Variants in HECW2 observed in about 807,000 individuals in gnomAD.
The protein encoded by HECW2 is HECT, C2 and WW domain containing E3 ubiquitin protein ligase 2.
A neutral mutation model predicts 175.2 loss-of-function variants in HECW2; 61 were observed. That is an observed-to-expected ratio of 0.35 (90% CI 0.28 to 0.43). HECW2 has a LOEUF of 0.43. HECW2 is among the 20% of genes least tolerant of loss of function. The pLI is 1.00. For missense variants in HECW2, 1,524 were observed against 2,000.5 expected (o/e 0.76, Z 4.54); for synonymous variants, 671 against 731.0 (o/e 0.92, Z 1.32).
At position 196,362,701 on chromosome 2, in the gene HECW2, G is replaced by C. The variant is rs147914955; in HGVS notation, c.293-18937C>G. ...CTGACTTTTAATGTGAAAACAGATA[G>C]AATCATCAATCTAGCTAATGCTCTT... On this transcript the variant is annotated intron_variant, in intron 2 of 28. Transcript: ENST00000644978. Among the ~76,000 whole-genome samples, 1,000 of 152,286 alleles carry C rather than the reference G, an allele frequency of 6.6e-3. 8 individuals are homozygous for C. The highest frequency in any genetic ancestry group is 0.02 in the Middle Eastern group (6 of 294).
At chr2:196,322,293 T>C (rs1337057754) in intron 7 of HECW2, among the ~76,000 whole-genome samples, 185 bp downstream of exon 7, 2 of 152,218 alleles carry the variant, frequency 1.3e-5, no homozygotes, top group Non-Finnish European at 2.9e-5. Context: ...AAAAAACATA[T>C]ATAATTAAAA....
At chr2:196,388,302 T>A (rs988792958) in intron 2 of HECW2, among the ~76,000 whole-genome samples, 1 of 152,076 alleles carries the variant, frequency 6.6e-6, no homozygotes, top group African/African-American at 2.4e-5. Context: ...TCAAAAAAAA[T>A]TACAATTTTC....
rs1691014057 is a variant in HECW2, at chr2:196,300,699, C to T, written c.2814+5789G>A. Among the ~76,000 whole-genome samples, 3 of 148,720 alleles carry T rather than the reference C, an allele frequency of 2.0e-5. No individual in the cohort carries two copies. In the South Asian group the frequency reaches 6.2e-4, roughly 31 times the overall value. ...ATATATATCTATATCTATATCTATA[C>T]ACATATATACATATATCTCACATGC... On this transcript the variant is annotated intron_variant, in intron 13 of 28. Transcript: ENST00000644978.
rs1693185863 is a variant in HECW2, at chr2:196,351,974, A to G, written c.293-8210T>C. Reference sequence around the variant, plus strand: ...TTACTGGAATCCCAGAGCTACATTGAGGAGAAAACTGTGACGACGACTTTG... The same window carrying G: ...TTACTGGAATCCCAGAGCTACATTGGGGAGAAAACTGTGACGACGACTTTG... On this transcript the variant is annotated intron_variant, in intron 2 of 28. Transcript: ENST00000644978. 2.6e-5 allele frequency among the ~76,000 whole-genome samples: 4 copies of G among 152,326 alleles called. No individual in the cohort carries two copies. The South Asian group carries it at 8.3e-4, about 32-fold the overall frequency.
intron 13 of HECW2, among the ~76,000 whole-genome samples, chr2:196,294,747 G>A (rs1690742738): frequency 6.6e-6 from 1 of 152,194 alleles, no homozygotes; most frequent in African/African-American, 2.4e-5. Flanking sequence ...TATTGCTGAT[G>A]TGAGTCCCTC....
chr2:196,310,764 G>A (rs1009777687), intron 10 of HECW2, among the ~76,000 whole-genome samples: 2 of 137,360 alleles, frequency 1.5e-5, no homozygotes, highest in Admixed American at 7.7e-5. Flanking sequence ...CGAGAGCAAC[G>A]ATTTTGTGTG....
At chr2:196,223,215 G>A (rs1687731715) in intron 23 of HECW2, among the ~76,000 whole-genome samples, 1 of 152,126 alleles carries the variant, frequency 6.6e-6, no homozygotes, top group Admixed American at 6.5e-5. Flanking sequence ...AATATAAAGC[G>A]ATAAGTGATA....
chr2:196,433,038 A>T, intron 2 of HECW2, 94 bp downstream of exon 2: 3 of 1,257,970 alleles, frequency 2.4e-6, no homozygotes, highest in Admixed American at 4.8e-5. Flanking sequence ...GTGCATGTGA[A>T]TTTTTTTCCA....
chr2:196,510,706 T>G (rs1687918630), intron 1 of HECW2, among the ~76,000 whole-genome samples: 1 of 152,234 alleles, frequency 6.6e-6, no homozygotes, highest in African/African-American at 2.4e-5. Flanking sequence ...TTTTTTTACT[T>G]AGCTATCTTT....
intron 2 of HECW2, among the ~76,000 whole-genome samples, chr2:196,359,661 A>G (rs1693515055): frequency 6.6e-6 from 1 of 152,270 alleles, no homozygotes; most frequent in African/African-American, 2.4e-5. Flanking sequence ...TTAGGAGTAA[A>G]TTATTCCTTT....
intron 28 of HECW2, among the ~76,000 whole-genome samples, chr2:196,208,949 G>C (rs952007698): frequency 2.6e-5 from 4 of 152,194 alleles, no homozygotes; most frequent in African/African-American, 9.7e-5. Flanking sequence ...CAGAATGAAT[G>C]AATGGTGGGA....
chr2:196,510,349 G>T (rs2056739), intron 1 of HECW2, among the ~76,000 whole-genome samples: 1 of 152,160 alleles, frequency 6.6e-6, no homozygotes, highest in Non-Finnish European at 1.5e-5. Context: ...GGGGAAGAAA[G>T]AAAAAGTATA....
intron 1 of HECW2, among the ~76,000 whole-genome samples, chr2:196,580,047 C>T (rs1042800964): frequency 1.3e-5 from 2 of 151,944 alleles, no homozygotes; most frequent in African/African-American, 4.8e-5. Context: ...TAGTATCAGA[C>T]AAAATAGACT....
chr2:196,205,037 G>A (rs968396580), intron 28 of HECW2, among the ~76,000 whole-genome samples: 16 of 152,218 alleles, frequency 1.1e-4, no homozygotes, highest in Non-Finnish European at 1.9e-4. Flanking sequence ...TTCCTCTGCA[G>A]TCGTAAGACA....
In HECW2 at chr2:196,318,685, C is replaced by T; in HGVS notation, c.2205G>A (p.Glu735=). Reference sequence around the variant, plus strand: ...CCAGGCTCCCCCTCCGCTGCCAGACCTCCCCCAGCTCCTCCTGGTCAGGTA... The same window carrying T: ...CCAGGCTCCCCCTCCGCTGCCAGACTTCCCCCAGCTCCTCCTGGTCAGGTA... The part of the protein sequence containing the change: ...ATVPDQEELG[E]VWQRRGSLEG... The change falls in exon 9 of 29, where the codon GAG becomes GAA. Residue 735 remains glutamate, a synonymous_variant. Coordinates refer to ENST00000644978, the MANE Select transcript of HECW2 (RefSeq NM_001348768.2). 6.3e-7 allele frequency: 1 copy of T among 1,592,782 alleles called. No homozygotes were observed.
intron 20 of HECW2, among the ~76,000 whole-genome samples, chr2:196,241,396 G>A (rs1416203423): frequency 6.6e-6 from 1 of 152,196 alleles, no homozygotes; most frequent in Non-Finnish European, 1.5e-5. Context: ...CCATGGGGCT[G>A]CTGTTGGTCT....
chr2:196,362,980 C>A (rs1207031580), intron 2 of HECW2, among the ~76,000 whole-genome samples: 1 of 152,168 alleles, frequency 6.6e-6, no homozygotes, highest in African/African-American at 2.4e-5. Flanking sequence ...CTTCACACTA[C>A]ATTTGATGGC....
chr2:196,443,077 A>C (rs1355184197), intron 1 of HECW2, among the ~76,000 whole-genome samples: 1 of 152,100 alleles, frequency 6.6e-6, no homozygotes, highest in Non-Finnish European at 1.5e-5. Context: ...CCACCTAAAC[A>C]TCCGTCCTTT....
intron 1 of HECW2, among the ~76,000 whole-genome samples, chr2:196,561,545 T>C (rs1690000912): frequency 1.3e-5 from 2 of 152,220 alleles, no homozygotes; most frequent in Non-Finnish European, 2.9e-5. Flanking sequence ...AAAAACTTGC[T>C]GTTTTTTACG....
Sources: gnomAD v4.1 joint callset for allele counts (sites outside exome capture counted in the v4.1 genomes callset) on GRCh38, gnomAD v4.1.1 for gene constraint, MANE v1.5 for transcripts, NCBI Gene and HGNC (gene_info 2026-07-23, HGNC 2026-07-21) for gene names.